RBFOX1: variants seen among roughly 807,000 people sequenced by gnomAD.
RBFOX1 encodes RNA binding protein fox-1 homolog 1.
RBFOX1 carries 8 observed loss-of-function variants against 57.7 expected under a neutral mutation model. The ratio of observed to expected loss-of-function variants is 0.14; its 90% confidence interval spans 0.08 to 0.25. RBFOX1 has a LOEUF of 0.25. RBFOX1 is among the 10% of genes least tolerant of loss of function. RBFOX1 has a pLI of 1.00. For synonymous variants in RBFOX1, 326 were observed against 222.4 expected (o/e 1.47, Z -4.15); for missense variants, 611 against 548.5 (o/e 1.11, Z -1.14).
intron 1 of RBFOX1, among the ~76,000 whole-genome samples, chr16:5,387,973 A>C (rs1452385487): frequency 6.6e-6 from 1 of 152,142 alleles, no homozygotes; most frequent in South Asian, 2.1e-4. Flanking sequence ...GGAGGAGGGG[A>C]CCACAAGCCA....
At chr16:6,232,129 G>A (rs1052591507) in intron 1 of RBFOX1, among the ~76,000 whole-genome samples, 2 of 152,082 alleles carry the variant, frequency 1.3e-5, no homozygotes, top group Admixed American at 6.6e-5. Context: ...AAAATGTATT[G>A]AATGCCTAAG....
In RBFOX1 at chr16:5,888,720, C is replaced by A. The variant is rs556026012; in HGVS notation, c.351+21385C>A. ...CTGAGGCAGGAGAATTGCTTGAATC[C>A]GGGAGGTGGAGGTTGCGGTGAGGTT... On this transcript the variant is annotated intron_variant, in intron 4 of 19. Coordinates refer to the RBFOX1 transcript ENST00000641259. Among the ~76,000 whole-genome samples the A allele has an allele frequency of 2.0e-5, 3 of 146,516 alleles. No homozygotes were observed. The East Asian group carries it at 6.1e-4, about 30-fold the overall frequency.
At chr16:6,510,768 GACA>G (rs993277410) in intron 2 of RBFOX1, among the ~76,000 whole-genome samples, 1 of 151,266 alleles carries the variant, frequency 6.6e-6, no homozygotes, top group Non-Finnish European at 1.5e-5. Context: ...TTAAAAAAAA[GACA>G]ACAATTTGTT....
At chr16:7,246,973 A>G (rs185556483) in intron 4 of RBFOX1, among the ~76,000 whole-genome samples, 106 of 152,240 alleles carry the variant, frequency 7.0e-4, no homozygotes, top group African/African-American at 2.5e-3. Context: ...AGGATACCCT[A>G]TGTATTCTTT....
intron 2 of RBFOX1, among the ~76,000 whole-genome samples, chr16:6,465,776 T>C (rs1005568982): frequency 2.0e-5 from 3 of 152,120 alleles, no homozygotes; most frequent in Non-Finnish European, 2.9e-5. Flanking sequence ...ATTTACTATA[T>C]GGCTCTTTGC....
chr16:6,848,406 G>T (rs1354589098), intron 3 of RBFOX1, among the ~76,000 whole-genome samples: 1 of 152,088 alleles, frequency 6.6e-6, no homozygotes, highest in East Asian at 1.9e-4. Context: ...TTATGAAAAT[G>T]CTTTGCATGC....
chr16:7,555,238 C>G (rs1443904468), intron 5 of RBFOX1, among the ~76,000 whole-genome samples: 3 of 152,168 alleles, frequency 2.0e-5, no homozygotes, highest in Non-Finnish European at 2.9e-5. Context: ...TGTTAAAAGC[C>G]TTCTGATGAC....
At chr16:7,706,687 A>G (rs2082560834) in intron 14 of RBFOX1, among the ~76,000 whole-genome samples, 1 of 152,198 alleles carries the variant, frequency 6.6e-6, no homozygotes, top group African/African-American at 2.4e-5. Flanking sequence ...TCTGCACTTC[A>G]TATCCTATTT....
chr16:6,326,488 CT>C (rs1319442367), intron 2 of RBFOX1, among the ~76,000 whole-genome samples: 4 of 152,122 alleles, frequency 2.6e-5, no homozygotes, highest in African/African-American at 9.7e-5. Context: ...ACTTTCTTCT[CT>C]TTCTTTGTCC....
chr16:6,685,137 G>A (rs890039425), intron 3 of RBFOX1, among the ~76,000 whole-genome samples: 5 of 152,102 alleles, frequency 3.3e-5, no homozygotes, highest in Non-Finnish European at 7.4e-5. Flanking sequence ...AATACGAGCT[G>A]TCACCTTTTA....
intron 3 of RBFOX1, among the ~76,000 whole-genome samples, chr16:5,692,041 T>C (rs1567404056): frequency 2.0e-5 from 3 of 152,058 alleles, no homozygotes; most frequent in Non-Finnish European, 4.4e-5. Context: ...TGCCATTCTG[T>C]GTACATCCCC....
intron 5 of RBFOX1, among the ~76,000 whole-genome samples, chr16:7,539,019 G>T (rs1481929501): frequency 6.6e-6 from 1 of 152,114 alleles, no homozygotes; most frequent in African/African-American, 2.4e-5. Context: ...GAGAGTAGAA[G>T]CTGCATATCT....
Position 6,630,336 on chromosome 16 carries a change from C to A in RBFOX1, c.-63-24267C>A, listed in dbSNP as rs569050931. ...GAAGACATTAATTTCAAAATCCATC[C>A]ATCCATCCATGCATCCATCCATTTC... On this transcript the variant is annotated intron_variant, in intron 2 of 15. Transcript: ENST00000550418. Among the ~76,000 whole-genome samples the A allele has an allele frequency of 3.3e-5, 5 of 152,252 alleles. No individual in the cohort carries two copies. In the South Asian group the frequency reaches 1.0e-3, roughly 32 times the overall value.
At position 6,891,037 on chromosome 16, in the gene RBFOX1, C is replaced by G. The variant is rs112922276; in HGVS notation, c.-15-161020C>G. Among the ~76,000 whole-genome samples the G allele has an allele frequency of 8.8e-3, 1,333 of 152,262 alleles. 22 individuals carry two copies. The highest frequency in any genetic ancestry group is 0.03 in the African/African-American group (1,258 of 41,536). The stretch of plus-strand genomic sequence containing the variant: ...AACGTTTTGAGGACAGGAGTTACGT[C>G]TGATTCCCCTTCATGTTCCCCGTCC... On this transcript the variant is annotated intron_variant, in intron 3 of 15. Transcript: ENST00000550418.
chr16:6,183,344 G>A (rs905526596), intron 1 of RBFOX1, among the ~76,000 whole-genome samples: 3 of 151,894 alleles, frequency 2.0e-5, no homozygotes, highest in Middle Eastern at 3.4e-3. Flanking sequence ...GCCAGGTGCG[G>A]TGCCATACTC....
intron 4 of RBFOX1, among the ~76,000 whole-genome samples, chr16:6,006,143 C>A (rs1303583330): frequency 6.6e-6 from 1 of 152,166 alleles, no homozygotes; most frequent in African/African-American, 2.4e-5. Context: ...GGCTGTTTAG[C>A]ATCTGTATAA....
intron 3 of RBFOX1, among the ~76,000 whole-genome samples, chr16:5,809,175 A>G (rs1204101293): frequency 6.6e-6 from 1 of 152,238 alleles, no homozygotes; most frequent in Non-Finnish European, 1.5e-5. Flanking sequence ...AATTAATTCA[A>G]GATGGATTCA....
intron 2 of RBFOX1, among the ~76,000 whole-genome samples, chr16:6,564,103 G>T (rs1010966239): frequency 1.3e-5 from 2 of 152,036 alleles, no homozygotes; most frequent in African/African-American, 2.4e-5. Context: ...TGTTCTTGTA[G>T]CCTACACTGT....
intron 4 of RBFOX1, among the ~76,000 whole-genome samples, chr16:7,368,635 C>T (rs912376146): frequency 1.1e-4 from 17 of 151,668 alleles, no homozygotes; most frequent in Admixed American, 4.6e-4. Context: ...AAAAAATTAG[C>T]CAGGCGTGGT....
Sources: gnomAD v4.1 joint callset for allele counts (sites outside exome capture counted in the v4.1 genomes callset) on GRCh38, gnomAD v4.1.1 for gene constraint, MANE v1.5 for transcripts, NCBI Gene and HGNC (gene_info 2026-07-23, HGNC 2026-07-21) for gene names.